MED4: variants seen among roughly 807,000 people sequenced by gnomAD.
MED4 encodes mediator complex subunit 4, also known as mediator of RNA polymerase II transcription subunit 4.
In MED4, 21 loss-of-function variants were observed where a neutral mutation model predicts 35.0. The ratio of observed to expected loss-of-function variants is 0.60; its 90% CI spans 0.43 to 0.86. The LOEUF is 0.86. Among genes scored for constraint, MED4 ranks in the 40% least tolerant of loss-of-function variants. MED4 has a pLI of 0.00. For missense variants in MED4, 300 were observed against 319.4 expected (o/e 0.94, Z 0.46); for synonymous variants, 138 against 114.0 (o/e 1.21, Z -1.34).
chr13:48,092,352 T>A (rs933940851), intron 1 of MED4, among the ~76,000 whole-genome samples: 4 of 152,178 alleles, frequency 2.6e-5, no homozygotes, highest in Non-Finnish European at 4.4e-5. Flanking sequence ...CCACAGGTGA[T>A]CCGCCGGCCT....
chr13:48,078,612 T>C (rs1950779211), intron 6 of MED4, among the ~76,000 whole-genome samples: 2 of 152,202 alleles, frequency 1.3e-5, no homozygotes, highest in Admixed American at 1.3e-4. Context: ...TGGGCCACAT[T>C]ACACTGCACC....
chr13:48,092,950 T>C (rs1950900656), intron 1 of MED4, among the ~76,000 whole-genome samples: 1 of 152,118 alleles, frequency 6.6e-6, no homozygotes, highest in Admixed American at 6.5e-5. Flanking sequence ...TAGAAGTCTC[T>C]AAGACTTAGT....
intron 3 of MED4, among the ~76,000 whole-genome samples, chr13:48,085,392 C>T (rs1005201896): frequency 1.3e-5 from 2 of 152,038 alleles, no homozygotes; most frequent in Admixed American, 6.6e-5. Flanking sequence ...AGACTGGTCT[C>T]GAACTGAGAC....
rs1245762932 is a variant in MED4, at chr13:48,077,212, T to C, written c.740A>G (p.His247Arg). The change falls in exon 7 of 7, where the codon CAT (histidine) becomes CGT (arginine). Residue 247 changes from histidine to arginine, a missense_variant. Physicochemically the swap from His to Arg is conservative, Grantham distance 29 (BLOSUM62 0). Transcript: ENST00000258648. Reference sequence around the variant, plus strand: ...TACATCATCTTCATTTTCTTTATTATGCCCAGGAGGTTCCAACAAAAAGTC... The same window carrying C: ...TACATCATCTTCATTTTCTTTATTACGCCCAGGAGGTTCCAACAAAAAGTC... ...SSDFLLEPPG[H>R]NKENEDDVEI... is the part of the protein sequence containing the mutation. 13 of 1,606,024 alleles carry C rather than the reference T, an allele frequency of 8.1e-6. No individual in the cohort carries two copies. The highest frequency in any genetic ancestry group is 2.3e-5 in the East Asian group (1 of 44,444).
intron 5 of MED4, among the ~76,000 whole-genome samples, chr13:48,080,465 A>G (rs891451681): frequency 3.3e-5 from 5 of 151,624 alleles, no homozygotes; most frequent in South Asian, 2.1e-4. Flanking sequence ...TATTAATAGC[A>G]TATTACTTTT....
At chr13:48,094,410 C>G (rs1018106411) in intron 1 of MED4, among the ~76,000 whole-genome samples, 3 of 152,222 alleles carry the variant, frequency 2.0e-5, no homozygotes, top group Admixed American at 2.0e-4. Context: ...CAACTTGCAA[C>G]TCCACCAAGC....
In MED4 at chr13:48,075,748, C is replaced by G. The variant is rs1250153182; in HGVS notation, c.*1391G>C. Among the ~76,000 whole-genome samples, 1 of 152,152 alleles carries G rather than the reference C, an allele frequency of 6.6e-6. No individual in the cohort carries two copies. The highest frequency in any genetic ancestry group is 1.5e-5 in the Non-Finnish European group (1 of 68,016). ...ATTTTAGCCATTAAAGTAAATCTTTCAAGAATGTATACACATGGATCAATA... is the reference window on the plus strand; with the variant it reads ...ATTTTAGCCATTAAAGTAAATCTTTGAAGAATGTATACACATGGATCAATA... On this transcript the variant is annotated 3_prime_UTR_variant, in exon 7 of 7. Transcript: ENST00000258648.
intron 5 of MED4, among the ~76,000 whole-genome samples, chr13:48,081,077 A>G (rs1019578028): frequency 1.3e-5 from 2 of 152,220 alleles, no homozygotes; most frequent in Non-Finnish European, 2.9e-5. Flanking sequence ...TGAAGTGGAG[A>G]TAACTACTAA....
chr13:48,090,075 AAAAT>A (rs1298970837), intron 2 of MED4, among the ~76,000 whole-genome samples: 1 of 152,242 alleles, frequency 6.6e-6, no homozygotes, highest in Admixed American at 6.5e-5. Flanking sequence ...TCAAAGGACA[AAAAT>A]AAATAAACAT....
chr13:48,082,791 C>T (rs887526110), intron 4 of MED4, among the ~76,000 whole-genome samples: 3 of 151,160 alleles, frequency 2.0e-5, no homozygotes, highest in African/African-American at 7.3e-5. Flanking sequence ...CGCGCCACTG[C>T]ACTCCAGCCT....
intron 3 of MED4, among the ~76,000 whole-genome samples, chr13:48,084,573 A>G (rs1045451129): frequency 6.6e-6 from 1 of 152,234 alleles, no homozygotes; most frequent in African/African-American, 2.4e-5. Context: ...AAAATCAAAC[A>G]AAGTGGATAC....
chr13:48,084,965 CAA>C (rs1950838773), intron 3 of MED4, among the ~76,000 whole-genome samples: 1 of 151,972 alleles, frequency 6.6e-6, no homozygotes, highest in Non-Finnish European at 1.5e-5. Context: ...CTCCCGGGTT[CAA>C]GAGATTCTCC....
At position 48,080,486 on chromosome 13, in the gene MED4, G is replaced by T. The variant is rs118118764; in HGVS notation, c.509-511C>A. Among the ~76,000 whole-genome samples, 881 of 148,584 alleles carry T rather than the reference G, an allele frequency of 5.9e-3. 8 individuals are homozygous for T. Among genetic ancestry groups the T allele is most frequent in the Admixed American group, 9.5e-3 (142 of 14,898 alleles). Reference sequence around the variant, plus strand: ...TAGCATATTACTTTTTAAAATACACGCATTTTAATTTCTTTTCTGAATCTT... The same window carrying T: ...TAGCATATTACTTTTTAAAATACACTCATTTTAATTTCTTTTCTGAATCTT... On this transcript the variant is annotated intron_variant, in intron 5 of 6. Transcript: ENST00000258648.
intron 2 of MED4, among the ~76,000 whole-genome samples, chr13:48,088,511 GA>G (rs1950868844): frequency 6.6e-6 from 1 of 152,186 alleles, no homozygotes; most frequent in African/African-American, 2.4e-5. Flanking sequence ...CATCGTAGGA[GA>G]AAGCTAGGTT....
At chr13:48,090,709 G>A (rs1593548629) in intron 1 of MED4, among the ~76,000 whole-genome samples, 1 of 152,166 alleles carries the variant, frequency 6.6e-6, no homozygotes, top group African/African-American at 2.4e-5. Flanking sequence ...TATAAAGAAA[G>A]GACCAGGGAA....
chr13:48,092,280 T>C lies in MED4; in HGVS notation c.126-1862A>G, dbSNP rs559470774. Among the ~76,000 whole-genome samples the C allele has an allele frequency of 2.0e-5, 3 of 150,464 alleles. No individual in the cohort carries two copies. The East Asian group carries it at 6.0e-4, about 30-fold the overall frequency. On this transcript the variant is annotated intron_variant, in intron 1 of 6. Coordinates refer to ENST00000258648, the MANE Select transcript of MED4 (RefSeq NM_014166.4). ...GTGCCACCACGCCCGGCTAATTTTG[T>C]ATTTTTTTTTTAGTACAGATGGGGT...
At chr13:48,094,862 A>AC in intron 1 of MED4, 92 bp downstream of exon 1, 1 of 1,540,416 alleles carries the variant, frequency 6.5e-7, no homozygotes, top group South Asian at 1.1e-5. Flanking sequence ...TCCCCGCCGA[A>AC]CCCCGAGAAC....
chr13:48,077,134 G>A lies in MED4; in HGVS notation c.*5C>T. ...TCAATTCTGTATATTGTCTTTTAAGGTTTTTCAATCAGACTCACTACTACT... is the reference window on the plus strand; with the variant it reads ...TCAATTCTGTATATTGTCTTTTAAGATTTTTCAATCAGACTCACTACTACT... On this transcript the variant is annotated 3_prime_UTR_variant, in exon 7 of 7. Coordinates refer to ENST00000258648, the MANE Select transcript of MED4 (RefSeq NM_014166.4). The A allele has an allele frequency of 1.3e-6, 2 of 1,593,760 alleles. No homozygotes were observed. The highest frequency in any genetic ancestry group is 1.7e-6 in the Non-Finnish European group (2 of 1,172,390).
At chr13:48,087,652 C>T (rs1399860055) in intron 2 of MED4, among the ~76,000 whole-genome samples, 1 of 151,982 alleles carries the variant, frequency 6.6e-6, no homozygotes, top group Non-Finnish European at 1.5e-5. Flanking sequence ...GAGTTTGAGA[C>T]CAGCCTAACC....
Sources: allele counts gnomAD v4.1 joint callset (sites outside exome capture counted in the v4.1 genomes callset), GRCh38; gene constraint gnomAD v4.1.1; transcripts MANE v1.5; gene names NCBI Gene and HGNC (gene_info 2026-07-23, HGNC 2026-07-21).